Variants in KLRG1 observed in about 807,000 individuals in gnomAD.
KLRG1 encodes the protein killer cell lectin-like receptor subfamily G member 1.
Under a neutral mutation model 21.8 loss-of-function variants are expected in KLRG1, and 16 were observed. That is an observed-to-expected ratio of 0.73 (90% confidence interval 0.50 to 1.11). The LOEUF (loss-of-function observed/expected upper bound fraction) is 1.11. Among genes scored for constraint, KLRG1 ranks in the 50% most tolerant of loss-of-function variants. The pLI, the probability that KLRG1 is intolerant of heterozygous loss-of-function variation, is 0.00. For missense variants in KLRG1, 173 were observed against 218.3 expected, an observed-to-expected ratio of 0.79 and a Z score of 1.31; for synonymous variants, 69 against 75.9, an observed-to-expected ratio of 0.91 and a Z score of 0.47.
chr12:9,009,831 C>T lies in KLRG1; in HGVS notation c.*294C>T. 6.9e-7 allele frequency: 1 copy of T among 1,440,040 alleles called. No individual in the cohort carries two copies. Among genetic ancestry groups the T allele is most frequent in the South Asian group, 1.5e-5 (1 of 67,732 alleles). The allele number at this position is 1,440,040 out of a possible 1,614,324, so 89.2% of individuals were successfully genotyped here. A position where few individuals can be genotyped will look rare whatever the true frequency, so the allele number is the denominator to read the frequency against. Reference sequence around the variant, plus strand: ...GAAACTAATGCTGCCACTCTCATCCCCGTCCCAACCATCTCTGTCAAAAAT... The same window carrying T: ...GAAACTAATGCTGCCACTCTCATCCTCGTCCCAACCATCTCTGTCAAAAAT... On this transcript the variant is annotated 3_prime_UTR_variant, in exon 5 of 5. Coordinates refer to ENST00000356986, the MANE Select transcript of KLRG1 (RefSeq NM_005810.4).
At chr12:9,086,068 A>G in the KLRG1 span, among the ~76,000 whole-genome samples, 3 of 152,204 alleles carry the variant, frequency 2.0e-5, no homozygotes, top group Non-Finnish European at 4.4e-5. Context: ...CTTATCATTT[A>G]AAAAGAATGA....
chr12:9,156,303 C>T, the KLRG1 span: 7 of 212,676 alleles, frequency 3.3e-5, no homozygotes, highest in African/African-American at 9.2e-5. Context: ...ATAAGCGAGT[C>T]ATCAATGTCA....
At chr12:9,086,998 ATGAT>A in the KLRG1 span, among the ~76,000 whole-genome samples, 17 of 152,348 alleles carry the variant, frequency 1.1e-4, no homozygotes, top group African/African-American at 3.4e-4. Context: ...CTAACAATGA[ATGAT>A]TGAGAAAGAA....
chr12:9,182,198 G>A, the KLRG1 span: 2 of 423,990 alleles, frequency 4.7e-6, no homozygotes, highest in Non-Finnish European at 7.2e-6. Flanking sequence ...GGACACTATT[G>A]CTTGGTCTTA....
chr12:9,120,753 G>GACTGGCTT, the KLRG1 span, among the ~76,000 whole-genome samples: 1 of 152,130 alleles, frequency 6.6e-6, no homozygotes, highest in Non-Finnish European at 1.5e-5. Flanking sequence ...CTTTGACGAA[G>GACTGGCTT]TATCTTGGGC....
At chr12:8,956,758 G>A (rs925209076) in intron 1 of KLRG1, among the ~76,000 whole-genome samples, 2 of 152,314 alleles carry the variant, frequency 1.3e-5, no homozygotes, top group South Asian at 2.1e-4. Context: ...TTGAAGTTCC[G>A]CAGTTGCTGG....
intron 4 of KLRG1, 87 bp from the exon 5 acceptor site, chr12:9,009,339 A>C: frequency 6.5e-7 from 1 of 1,529,398 alleles, no homozygotes; most frequent in Non-Finnish European, 8.8e-7. Context: ...GGGAGACAGA[A>C]TTTGCTTCAT....
the KLRG1 span, chr12:9,067,664 G>T: frequency 1.4e-6 from 1 of 735,808 alleles, no homozygotes; most frequent in Admixed American, 2.0e-5. Context: ...GAATCATATG[G>T]AAATGTACAA....
chr12:9,084,639 A>G, the KLRG1 span, among the ~76,000 whole-genome samples: 1 of 152,188 alleles, frequency 6.6e-6, no homozygotes, highest in South Asian at 2.1e-4. Context: ...CAAAACAACC[A>G]GAAAACAACA....
chr12:9,076,907 G>C, the KLRG1 span: 1 of 1,605,722 alleles, frequency 6.2e-7, no homozygotes, highest in Non-Finnish European at 8.5e-7. Flanking sequence ...CTGACTCCAG[G>C]CAAAACAGGG....
At chr12:9,089,234 C>T in the KLRG1 span, 1 of 1,588,574 alleles carries the variant, frequency 6.3e-7, no homozygotes. Context: ...ATGTTGTTTC[C>T]TTCTCTAGTC....
the KLRG1 span, among the ~76,000 whole-genome samples, chr12:9,125,292 C>T: frequency 6.6e-6 from 1 of 152,168 alleles, no homozygotes; most frequent in Non-Finnish European, 1.5e-5. Context: ...TTGTCCTTCA[C>T]TTGTCTGGGT....
the KLRG1 span, chr12:9,201,344 G>A: frequency 6.4e-7 from 1 of 1,555,882 alleles, no homozygotes; most frequent in Non-Finnish European, 8.8e-7. Flanking sequence ...TATATCAGTG[G>A]AATCTATATG....
chr12:9,185,819 T>TTTTCTTTTCTTTTCTTTTCTTTTC, the KLRG1 span, among the ~76,000 whole-genome samples: 6 of 28,666 alleles, frequency 2.1e-4, no homozygotes, highest in African/African-American at 5.2e-4. Flanking sequence ...CTTTTCTTTT[T>TTTTCTTTTCTTTTCTTTTCTTTTC]TTTTTTCTTG....
At chr12:9,186,448 G>A in the KLRG1 span, among the ~76,000 whole-genome samples, 3 of 152,096 alleles carry the variant, frequency 2.0e-5, no homozygotes, top group Non-Finnish European at 4.4e-5. Flanking sequence ...CAATTAAGAG[G>A]CACAGAGTGG....
At chr12:9,097,545 C>T in the KLRG1 span, among the ~76,000 whole-genome samples, 1 of 151,780 alleles carries the variant, frequency 6.6e-6, no homozygotes, top group East Asian at 1.9e-4. Context: ...TTCAATTTCC[C>T]TAAGTTTTGT....
chr12:9,149,563 G>A, the KLRG1 span: 1 of 1,612,840 alleles, frequency 6.2e-7, no homozygotes, highest in Non-Finnish European at 8.5e-7. Context: ...ACTCTTACCT[G>A]TGCTGCAGGG....
the KLRG1 span, among the ~76,000 whole-genome samples, chr12:9,025,421 G>C: frequency 6.6e-6 from 1 of 152,182 alleles, no homozygotes; most frequent in Non-Finnish European, 1.5e-5. Context: ...CAGATCACTT[G>C]AGGCCAGGAG....
At chr12:9,005,607 A>T (rs981739321) in intron 3 of KLRG1, among the ~76,000 whole-genome samples, 3 of 152,188 alleles carry the variant, frequency 2.0e-5, no homozygotes, top group Non-Finnish European at 4.4e-5. Context: ...AGGGAGAGTT[A>T]TGTTAAAGGA....
Sources: allele counts gnomAD v4.1 joint callset (sites outside exome capture counted in the v4.1 genomes callset), GRCh38; gene constraint gnomAD v4.1.1; transcripts MANE v1.5; gene names NCBI Gene and HGNC (gene_info 2026-07-23, HGNC 2026-07-21).